The following WDHD1 variants were observed in gnomAD, a reference collection of about 807,000 sequenced individuals.
The protein encoded by WDHD1 is WD repeat and HMG-box DNA binding protein 1.
In WDHD1, 111 loss-of-function variants were observed where a neutral mutation model predicts 135.4. The observed-to-expected ratio is 0.82, with a 90% CI of 0.70 to 0.96. The LOEUF is 0.96. WDHD1 is among the 40% of genes least tolerant of loss of function. WDHD1 has a pLI of 0.00. For missense variants in WDHD1, 1,351 were observed against 1,336.3 expected (o/e 1.01, Z -0.17); for synonymous variants, 434 against 439.0 (o/e 0.99, Z 0.14).
chr14:55,017,676 CTG>C (rs1352216814), intron 2 of WDHD1, among the ~76,000 whole-genome samples: 1 of 152,262 alleles, frequency 6.6e-6, no homozygotes, highest in East Asian at 1.9e-4. Flanking sequence ...ATTAGGAAAT[CTG>C]TGAAACACAA....
intron 16 of WDHD1, among the ~76,000 whole-genome samples, chr14:54,978,008 T>C (rs559489059): frequency 6.6e-6 from 1 of 151,892 alleles, no homozygotes; most frequent in Non-Finnish European, 1.5e-5. Flanking sequence ...TAATATTAAA[T>C]GAAATGAAGA....
chr14:55,005,663 T>A, intron 7 of WDHD1: 2 of 561,310 alleles, frequency 3.6e-6, no homozygotes, highest in Non-Finnish European at 3.4e-6. Context: ...CTCCTTCATT[T>A]GCAGGACATA....
intron 15 of WDHD1, among the ~76,000 whole-genome samples, chr14:54,982,297 C>A (rs2041631577): frequency 6.6e-6 from 1 of 152,162 alleles, no homozygotes; most frequent in African/African-American, 2.4e-5. Context: ...GCGTGAGCCA[C>A]CGCGCCCGGC....
rs779129173 is a variant in WDHD1 at position 54,963,144 on chromosome 14, C to T, written c.2339G>A (p.Arg780His). The change falls in exon 19 of 26, where the codon CGT (arginine) becomes CAT (histidine). Residue 780 changes from arginine (R) to histidine (H), a missense_variant. Physicochemically the swap from Arg to His is conservative, Grantham distance 29. This residue lies in a region of WDHD1 where 1,330 missense variants were observed against 1,296.1 expected (regional missense o/e 1.03). Coordinates refer to ENST00000360586, the MANE Select transcript of WDHD1 (RefSeq NM_007086.4). ...CATTAGATCAGCAAGTTCCACACAA[C>T]GGAATTCTCGCTCCAGTTTACAAGA... The part of the protein sequence containing the change: ...ALSCKLEREF[R>H]CVELADLMTQ... The T allele has an allele frequency of 4.7e-6, 7 of 1,495,836 alleles. No individual in the cohort carries two copies. Among genetic ancestry groups the T allele is most frequent in the South Asian group, 2.3e-5 (2 of 88,268 alleles). The allele number at this position is 1,495,836 out of a possible 1,614,324, so 92.7% of individuals were successfully genotyped here.
In WDHD1 at chr14:54,941,553, C is replaced by G. The variant is rs2040838317; in HGVS notation, c.3327G>C (p.Lys1109Asn). Residue 1109 changes from lysine (K) to asparagine (N), a missense_variant, in exon 26 of 26, where the codon AAG becomes AAC. Lys to Asn is a moderately conservative substitution (Grantham distance 94). Transcript: ENST00000360586. ...KAKENLNLSK[K>N]QKPLDFSTNQ... ...TTGTAGAAAAATCTAAAGGTTTCTG[C>G]TTTTTAGACAAATTCAGGTTCTCTT... is the stretch of plus-strand genomic sequence containing the variant. 1 of 1,613,846 alleles carries G rather than the reference C, an allele frequency of 6.2e-7. No homozygotes were observed. Among genetic ancestry groups the G allele is most frequent in the South Asian group, 1.1e-5 (1 of 91,046 alleles).
chr14:54,971,065 T>C (rs968771502), intron 16 of WDHD1, among the ~76,000 whole-genome samples: 2 of 152,166 alleles, frequency 1.3e-5, no homozygotes, highest in African/African-American at 4.8e-5. Context: ...CCCTTAACTA[T>C]CACCATGTGC....
chr14:55,017,405 C>G (rs2042278789), intron 2 of WDHD1, among the ~76,000 whole-genome samples: 1 of 151,934 alleles, frequency 6.6e-6, no homozygotes, highest in Non-Finnish European at 1.5e-5. Context: ...TGCAGTGGCA[C>G]CATCTCGGGT....
intron 21 of WDHD1, 125 bp downstream of exon 21, chr14:54,962,370 AAAC>A: frequency 2.7e-6 from 2 of 750,018 alleles, no homozygotes. Flanking sequence ...GAGATTAAAA[AAAC>A]AAAAACATAA....
At chr14:54,984,280 C>T (rs992821701) in intron 15 of WDHD1, among the ~76,000 whole-genome samples, 9 of 152,088 alleles carry the variant, frequency 5.9e-5, no homozygotes, top group Admixed American at 2.0e-4. Context: ...GGATCACTTG[C>T]GCCTAGGAGT....
chr14:55,023,236 C>T (rs1221324534), intron 2 of WDHD1, among the ~76,000 whole-genome samples: 1 of 152,234 alleles, frequency 6.6e-6, no homozygotes, highest in Non-Finnish European at 1.5e-5. Flanking sequence ...ATAATGACTT[C>T]ACTTTTTCTG....
chr14:54,963,533 G>A (rs781460496), intron 18 of WDHD1, among the ~76,000 whole-genome samples: 10 of 152,030 alleles, frequency 6.6e-5, no homozygotes, highest in South Asian at 2.1e-4. Flanking sequence ...GGCTGGGCAC[G>A]GTGGCTCACG....
chr14:54,989,289 T>C, intron 12 of WDHD1, 77 bp from the exon 13 acceptor site: 11 of 992,266 alleles, frequency 1.1e-5, no homozygotes, highest in Non-Finnish European at 1.5e-5. Flanking sequence ...GTAGTACAAA[T>C]TAACAAATAT....
intron 3 of WDHD1, among the ~76,000 whole-genome samples, chr14:55,011,508 G>A (rs1276227608): frequency 9.1e-6 from 1 of 110,218 alleles, no homozygotes; most frequent in Non-Finnish European, 1.7e-5. Flanking sequence ...TAGGCAACAA[G>A]AGTGAAACTC....
At chr14:54,979,448 G>A (rs1222003885) in intron 16 of WDHD1, among the ~76,000 whole-genome samples, 2 of 152,090 alleles carry the variant, frequency 1.3e-5, no homozygotes, top group South Asian at 2.1e-4. Flanking sequence ...GAGCCACCTC[G>A]CCTGGCCCAA....
In WDHD1 at chr14:54,991,314, C is replaced by T; in HGVS notation, c.1240G>A (p.Val414Ile). 1 of 1,614,068 alleles carries T rather than the reference C, an allele frequency of 6.2e-7. No individual in the cohort carries two copies. Among genetic ancestry groups the T allele is most frequent in the Non-Finnish European group, 8.5e-7 (1 of 1,179,998 alleles). The part of the protein sequence containing the change: ...QEGSIHNLPL[V>I]TSQRPFYDGP... ...TCATAAAATGGCCTTTGGGATGTTA[C>T]AAGTGGTAGATTGTGAATGCTGCCT... Residue 414 changes from valine to isoleucine, a missense_variant, in exon 12 of 26, where the codon GTA becomes ATA. This residue lies in a region of WDHD1 where 1,330 missense variants were observed against 1,296.1 expected (regional missense o/e 1.03). Transcript: ENST00000360586.
In WDHD1 at chr14:54,981,620, T is replaced by C; in HGVS notation, c.1983A>G (p.Ile661Met). The change falls in exon 16 of 26, where the codon ATA becomes ATG. Residue 661 changes from isoleucine to methionine, a missense_variant. Ile to Met is a conservative substitution (Grantham distance 10, BLOSUM62 1). This residue lies in a region of WDHD1 where 1,330 missense variants were observed against 1,296.1 expected (regional missense o/e 1.03). Transcript: ENST00000360586. ...CTTTGCAGTGCTCTCTTGTATTACATATAGGAGTCCACGTATTACCAAGTC... is the reference window on the plus strand; with the variant it reads ...CTTTGCAGTGCTCTCTTGTATTACACATAGGAGTCCACGTATTACCAAGTC... ...NRGLGNTWTP[I>M]CNTREHCKGK... 6.2e-7 allele frequency: 1 copy of C among 1,613,026 alleles called. No individual in the cohort carries two copies. The highest frequency in any genetic ancestry group is 8.5e-7 in the Non-Finnish European group (1 of 1,179,220).
Position 54,966,588 on chromosome 14 carries a change from CTG to C in WDHD1, c.2195_2196del (p.Ser732CysfsTer8), listed in dbSNP as rs2041349622. On this transcript the variant is annotated frameshift_variant, in exon 18 of 26. Coordinates refer to ENST00000360586, the MANE Select transcript of WDHD1 (RefSeq NM_007086.4). LOFTEE classifies it high-confidence loss of function. ...KGQMEEQFWRSVIFHNHLDYL... is the reference protein window; with the variant it reads ...KGQMEEQFWRXVIFHNHLDYL... Reference sequence around the variant, plus strand: ...TAATCAAGGTGGTTGTGAAATATAACTGAACGCCAAAATTGCTCCTATAAAAG... The same window carrying C: ...TAATCAAGGTGGTTGTGAAATATAACAACGCCAAAATTGCTCCTATAAAAG... 1 of 1,606,232 alleles carries C rather than the reference CTG, an allele frequency of 6.2e-7. No individual in the cohort carries two copies. The highest frequency in any genetic ancestry group is 1.3e-5 in the African/African-American group (1 of 74,454).
chr14:54,957,170 A>G lies in WDHD1; in HGVS notation c.2780T>C (p.Met927Thr). The part of the protein sequence containing the change: ...SASSKEPAMS[M>T]NSARSTNILD... ...AATATTAGTTGAACGTGCTGAATTC[A>G]TTGACATGGCTGGTTCTTTGGAACT... Residue 927 changes from methionine to threonine, a missense_variant, in exon 23 of 26, where the codon ATG (methionine) becomes ACG (threonine). Met to Thr is a moderately conservative substitution (Grantham distance 81). Transcript: ENST00000360586. 1 of 1,614,116 alleles carries G rather than the reference A, an allele frequency of 6.2e-7. No homozygotes were observed. The highest frequency in any genetic ancestry group is 8.5e-7 in the Non-Finnish European group (1 of 1,179,982).
In WDHD1 at chr14:54,962,502, C is replaced by G. The variant is rs1374563130; in HGVS notation, c.2697G>C (p.Lys899Asn). 1.2e-6 allele frequency: 2 copies of G among 1,608,474 alleles called. No homozygotes were observed. Among genetic ancestry groups the G allele is most frequent in the African/African-American group, 2.7e-5 (2 of 74,690 alleles). ...KSTNSSDVSA[K>N]SGAVTFSSQG... Reference sequence around the variant, plus strand: ...AAATTTATAAATATTTCTCACCTGACTTAGCTGAAACATCAGAGGAATTTG... The same window carrying G: ...AAATTTATAAATATTTCTCACCTGAGTTAGCTGAAACATCAGAGGAATTTG... The change falls in exon 21 of 26, where the codon AAG becomes AAC. Residue 899 changes from lysine (K) to asparagine (N), a missense_variant. Coordinates refer to ENST00000360586, the MANE Select transcript of WDHD1 (RefSeq NM_007086.4).
Sources: allele counts gnomAD v4.1 joint callset (sites outside exome capture counted in the v4.1 genomes callset), GRCh38; gene constraint gnomAD v4.1.1; regional missense constraint gnomAD v4.1.1; transcripts MANE v1.5; gene names NCBI Gene and HGNC (gene_info 2026-07-23, HGNC 2026-07-21).